DNAH5: variants seen among roughly 807,000 people sequenced by gnomAD.
DNAH5 encodes axonemal beta dynein heavy chain 5.
In DNAH5, 372 loss-of-function variants were observed where a neutral mutation model predicts 518.2. That is an observed-to-expected ratio of 0.72 (90% CI 0.66 to 0.78). DNAH5 has a LOEUF of 0.78. Ranked by LOEUF, DNAH5 falls within the 30% of genes least tolerant of loss-of-function variation. DNAH5 has a pLI of 0.00. For synonymous variants in DNAH5, 2,039 were observed against 2,025.9 expected, an observed-to-expected ratio of 1.01 and a Z score of -0.17; for missense variants, 5,523 against 5,687.0, an observed-to-expected ratio of 0.97 and a Z score of 0.93.
chr5:13,748,094 G>T (rs1487695878), intron 65 of DNAH5, among the ~76,000 whole-genome samples: 1 of 152,002 alleles, frequency 6.6e-6, no homozygotes, highest in Non-Finnish European at 1.5e-5. Flanking sequence ...GCTTTCTACA[G>T]ATGGCTAGCC....
rs773352017 is a variant in DNAH5, at chr5:13,786,326, A to G, written c.8673T>C (p.Ala2891=). The G allele has an allele frequency of 1.2e-6, 2 of 1,614,118 alleles. No individual in the cohort carries two copies. The highest frequency in any genetic ancestry group is 2.2e-5 in the South Asian group (2 of 91,086). Residue 2891 remains alanine (A), a synonymous_variant, in exon 52 of 79, where the codon GCT becomes GCC. Transcript: ENST00000265104. ...TTGGCTCATAAATTTTAGGTGTTTC[A>G]GCATCAGCCTCTTCAGATGTTTCAC... ...AAGETSEEAD[A]ETPKIYEPIE... is the part of the protein sequence containing the mutation.
At position 13,769,533 on chromosome 5, in the gene DNAH5, C is replaced by T. The variant is rs1363472930; in HGVS notation, c.9688G>A (p.Glu3230Lys). 1 of 1,614,044 alleles carries T rather than the reference C, an allele frequency of 6.2e-7. No homozygotes were observed. The highest frequency in any genetic ancestry group is 1.1e-5 in the South Asian group (1 of 91,082). ...GCTTTATCGTTGGCCACTTGTAGCT[C>T]CTTTTCTTTCGCTTCCAGTTCTTTA... ...LSKELEAKEK[E>K]LQVANDKADM... The change falls in exon 57 of 79, where the codon GAG becomes AAG. Residue 3230 changes from glutamate (E) to lysine (K), a missense_variant. Physicochemically the swap from Glu to Lys is moderately conservative, Grantham distance 56. Coordinates refer to ENST00000265104, the MANE Select transcript of DNAH5 (RefSeq NM_001369.3).
At chr5:13,703,133 C>T (rs1323939929) in intron 76 of DNAH5, among the ~76,000 whole-genome samples, 3 of 152,130 alleles carry the variant, frequency 2.0e-5, no homozygotes, top group East Asian at 3.9e-4. Flanking sequence ...CTTCTCTTAA[C>T]TGAAGTCTGC....
chr5:13,977,104 T>C (rs1205681895), intron 1 of DNAH5, among the ~76,000 whole-genome samples: 1 of 152,198 alleles, frequency 6.6e-6, no homozygotes, highest in Non-Finnish European at 1.5e-5. Context: ...GCTCTGGAAA[T>C]GTTTCATTAC....
chr5:13,717,181 G>T, intron 73 of DNAH5, 134 bp downstream of exon 73: 1 of 809,298 alleles, frequency 1.2e-6, no homozygotes, highest in Non-Finnish European at 2.1e-6. Flanking sequence ...GACCCAAATT[G>T]CTATGACTTA....
At chr5:13,777,454 G>A in intron 53 of DNAH5, 99 bp from the exon 54 acceptor site, 1 of 1,094,766 alleles carries the variant, frequency 9.1e-7, no homozygotes, top group Non-Finnish European at 1.4e-6. Context: ...ACAAAAAAAT[G>A]CTGATTTTGT....
intron 1 of DNAH5, among the ~76,000 whole-genome samples, chr5:14,004,131 C>T (rs1045524993): frequency 6.6e-6 from 1 of 152,214 alleles, no homozygotes; most frequent in African/African-American, 2.4e-5. Flanking sequence ...AAAAGAAATG[C>T]TTCGAATATT....
rs142647791 is a variant in DNAH5 at position 13,755,819 on chromosome 5, T to C, written c.10420-1481A>G. Among the ~76,000 whole-genome samples the C allele has an allele frequency of 2.6e-3, 401 of 152,354 alleles. 4 individuals carry two copies. The highest frequency in any genetic ancestry group is 9.4e-3 in the African/African-American group (390 of 41,582). ...ATACTTTTAATATTGATTTGCTTTC[T>C]CTAAATTCTGCAATCCCAATTCCAT... On this transcript the variant is annotated intron_variant, in intron 61 of 78. Coordinates refer to ENST00000265104, the MANE Select transcript of DNAH5 (RefSeq NM_001369.3).
intron 46 of DNAH5, 33 bp from the exon 47 acceptor site, chr5:13,807,758 G>T (rs761689837): frequency 1.1e-5 from 17 of 1,570,770 alleles, no homozygotes; most frequent in East Asian, 2.3e-5. Flanking sequence ...AAAAAGAAAT[G>T]AAATAAATGA....
intron 1 of DNAH5, among the ~76,000 whole-genome samples, chr5:13,972,016 G>A (rs1271029631): frequency 2.0e-5 from 3 of 152,016 alleles, no homozygotes; most frequent in African/African-American, 7.3e-5. Flanking sequence ...GGAGGATGGG[G>A]GTGTGGTTCC....
intron 47 of DNAH5, among the ~76,000 whole-genome samples, chr5:13,804,667 G>T (rs1257299069): frequency 3.3e-5 from 5 of 152,206 alleles, no homozygotes; most frequent in Non-Finnish European, 2.9e-5. Flanking sequence ...ACAGAAAAAA[G>T]AAATAGTGAT....
At chr5:13,701,948 AATTTT>A (rs1259514491) in intron 76 of DNAH5, among the ~76,000 whole-genome samples, 1 of 152,228 alleles carries the variant, frequency 6.6e-6, no homozygotes, top group Non-Finnish European at 1.5e-5. Flanking sequence ...TGCTACACTT[AATTTT>A]AACGGGGTAA....
At chr5:13,999,883 A>G (rs1240173422) in intron 1 of DNAH5, among the ~76,000 whole-genome samples, 2 of 152,250 alleles carry the variant, frequency 1.3e-5, no homozygotes, top group Non-Finnish European at 2.9e-5. Context: ...GTTTTATGAT[A>G]GCCATCTTGA....
At position 13,864,621 on chromosome 5, in the gene DNAH5, G is replaced by A. The variant is rs376641196; in HGVS notation, c.4372C>T (p.Arg1458Trp). ...AAAGCCTGCCAGTCCTTCAAGGCCC[G>A]GGGAAGCTTTCGACATCTGTGAAGG... ...EFQNRCRKLP[R>W]ALKDWQAFLD... Residue 1458 changes from arginine to tryptophan, a missense_variant, in exon 28 of 79, where the codon CGG (arginine) becomes TGG (tryptophan). By Grantham distance (101) the Arg-to-Trp change is moderately radical (BLOSUM62 -3). This residue lies in a region of DNAH5 where 5,121 missense variants were observed against 5,223.3 expected (regional missense o/e 0.98). Transcript: ENST00000265104. The A allele has an allele frequency of 3.7e-5, 60 of 1,613,940 alleles. No homozygotes were observed. Among genetic ancestry groups the A allele is most frequent in the Middle Eastern group, 1.6e-4 (1 of 6,084 alleles).
chr5:13,876,804 T>C lies in DNAH5; in HGVS notation c.3276A>G (p.Ile1092Met), dbSNP rs753124905. The C allele has an allele frequency of 6.2e-7, 1 of 1,613,738 alleles. No homozygotes were observed. The highest frequency in any genetic ancestry group is 1.1e-5 in the South Asian group (1 of 91,074). The stretch of plus-strand genomic sequence containing the variant: ...CGGGAATGGGTAAATTTACAGATGC[T>C]ATCTCCAAGGTATCTAAAAAGAAAA... ...GENELQDTLEIASVNLPIPVQ... is the reference protein window; with the variant it reads ...GENELQDTLEMASVNLPIPVQ... The change falls in exon 22 of 79, where the codon ATA (isoleucine) becomes ATG (methionine). Residue 1092 changes from isoleucine (I) to methionine (M), a missense_variant. Physicochemically the swap from Ile to Met is conservative, Grantham distance 10. Transcript: ENST00000265104.
At chr5:13,959,000 C>T (rs146320061) in intron 1 of DNAH5, among the ~76,000 whole-genome samples, 2,700 of 152,168 alleles carry the variant, frequency 0.018, 75 homozygotes, top group African/African-American at 0.059. Context: ...CATCTGTCAC[C>T]CAGGCTGGAG....
In DNAH5 at chr5:13,802,544, T is replaced by C. The variant is rs538192644; in HGVS notation, c.7887+5047A>G. Among the ~76,000 whole-genome samples the C allele has an allele frequency of 9.2e-5, 14 of 152,342 alleles. No individual in the cohort carries two copies. The South Asian group carries it at 2.9e-3, about 32-fold the overall frequency. ...CTCCTCCGGACTCCACAGTACAGCA[T>C]TGAGATTCTGCCATAAGTAGCACTT... On this transcript the variant is annotated intron_variant, in intron 47 of 78. Transcript: ENST00000265104.
rs1376078058 is a variant in DNAH5, at chr5:13,753,479, C to T, written c.10626G>A (p.Leu3542=). ...TCATTTCCTTCCGCCAGTCATTTAA[C>T]AGAAGATCACGAAACTCTTGGTTAA... ...GPFNQEFRDL[L]LNDWRKEMKA... The change falls in exon 63 of 79, where the codon CTG becomes CTA. Residue 3542 remains leucine, a synonymous_variant. Coordinates refer to ENST00000265104, the MANE Select transcript of DNAH5 (RefSeq NM_001369.3). 6.2e-7 allele frequency: 1 copy of T among 1,613,982 alleles called. No individual in the cohort carries two copies. The highest frequency in any genetic ancestry group is 1.7e-5 in the Admixed American group (1 of 60,006).
At chr5:13,904,529 T>C (rs558778027) in intron 12 of DNAH5, among the ~76,000 whole-genome samples, 1 of 150,450 alleles carries the variant, frequency 6.6e-6, no homozygotes, top group African/African-American at 2.5e-5. Context: ...ATTCTATGTA[T>C]GTGGATTATG....
Sources: allele counts gnomAD v4.1 joint callset (sites outside exome capture counted in the v4.1 genomes callset), GRCh38; gene constraint gnomAD v4.1.1; regional missense constraint gnomAD v4.1.1; transcripts MANE v1.5; gene names NCBI Gene and HGNC (gene_info 2026-07-23, HGNC 2026-07-21).